Variants in GEMIN6 observed in about 807,000 individuals in gnomAD.
GEMIN6 encodes the protein gem nuclear organelle associated protein 6.
In GEMIN6, 13 loss-of-function variants were observed where a neutral mutation model predicts 14.1. The observed-to-expected ratio is 0.92, with a 90% CI of 0.60 to 1.46. GEMIN6 has a LOEUF of 1.46. GEMIN6 is among the 40% of genes most tolerant of loss of function. The pLI, the probability that GEMIN6 is intolerant of heterozygous loss-of-function variation, is 0.00. For missense variants in GEMIN6, 271 were observed against 202.4 expected, an observed-to-expected ratio of 1.34 and a Z score of -2.06; for synonymous variants, 87 against 70.0, an observed-to-expected ratio of 1.24 and a Z score of -1.21.
chr2:38,778,886 C>G, intron 1 of GEMIN6, 86 bp from the exon 2 acceptor site: 1 of 1,160,042 alleles, frequency 8.6e-7, no homozygotes, highest in East Asian at 2.5e-5. Context: ...CACAGATGTT[C>G]TCTGTCTCTA....
intron 1 of GEMIN6, 45 bp from the exon 2 acceptor site, chr2:38,778,927 T>G (rs555953018): frequency 6.6e-7 from 1 of 1,522,964 alleles, no homozygotes; most frequent in South Asian, 1.3e-5. Flanking sequence ...ATAAGACATT[T>G]GCTTACGTGG....
At chr2:38,781,253 C>T (rs1019332645) in intron 2 of GEMIN6, among the ~76,000 whole-genome samples, 3 of 152,174 alleles carry the variant, frequency 2.0e-5, no homozygotes, top group South Asian at 4.1e-4. Context: ...CAGGCGTGAG[C>T]CACCGCGCCT....
At chr2:38,779,577 A>C (rs1669027843) in intron 2 of GEMIN6, 1 of 146,174 alleles carries the variant, frequency 6.8e-6, no homozygotes, top group Admixed American at 7.4e-5. Flanking sequence ...TGTTCTGACT[A>C]TGGATTACCT....
intron 2 of GEMIN6, among the ~76,000 whole-genome samples, chr2:38,780,040 C>T (rs982093328): frequency 2.6e-4 from 39 of 149,736 alleles, no homozygotes; most frequent in African/African-American, 8.1e-4. Flanking sequence ...ACTTTAAGGC[C>T]GGGCATGGTG....
At position 38,781,011 on chromosome 2, in the gene GEMIN6, C is replaced by T. The variant is rs1486109558; in HGVS notation, c.129-506C>T. 6.0e-4 allele frequency among the ~76,000 whole-genome samples: 83 copies of T among 137,880 alleles called. 1 individual carries two copies. The highest frequency in any genetic ancestry group is 2.5e-4 in the Non-Finnish European group (16 of 65,004). 90.5% of individuals were successfully genotyped at this position (137,880 alleles called of 152,430 possible). ...TTTTTTTCCACGACAGAGTCTTGCT[C>T]AGGCTGGAGTGCAGTGGCATGATCT... On this transcript the variant is annotated intron_variant, in intron 2 of 2. Transcript: ENST00000281950.
chr2:38,779,664 ATTTTTTT>A (rs1166903482), intron 2 of GEMIN6, among the ~76,000 whole-genome samples: 7 of 20,772 alleles, frequency 3.4e-4, no homozygotes, highest in Non-Finnish European at 4.0e-4. Context: ...ATATATATAT[ATTTTTTT>A]TTTTTTTTTT....
intron 2 of GEMIN6, 130 bp from the exon 3 acceptor site, chr2:38,781,387 T>G (rs1669082254): frequency 3.1e-6 from 3 of 962,602 alleles, no homozygotes; most frequent in African/African-American, 1.6e-5. Context: ...GGATCCTTAG[T>G]GAATGTTTGT....
chr2:38,783,688 G>A lies in GEMIN6; in HGVS notation c.*1796G>A, dbSNP rs1669141425. On this transcript the variant is annotated 3_prime_UTR_variant, in exon 3 of 3. Transcript: ENST00000281950. ...TTTGAATACAGGCCCTGATAACATA[G>A]CTATTTTCCTGCATAGTTGTCTAAT... 1 of 152,076 alleles carries A rather than the reference G, an allele frequency of 6.6e-6. No homozygotes were observed. Among genetic ancestry groups the A allele is most frequent in the South Asian group, 2.1e-4 (1 of 4,830 alleles). 9.4% of individuals were successfully genotyped at this position (152,076 alleles called of 1,614,324 possible).
chr2:38,780,275 G>A (rs932057762), intron 2 of GEMIN6, among the ~76,000 whole-genome samples: 9 of 150,680 alleles, frequency 6.0e-5, no homozygotes, highest in African/African-American at 2.2e-4. Context: ...AGCTGAGATC[G>A]CGCCACTGCA....
intron 2 of GEMIN6, among the ~76,000 whole-genome samples, chr2:38,779,635 A>AATATATATATATATATATATAT (rs1413852966): frequency 4.2e-5 from 2 of 48,032 alleles, no homozygotes; most frequent in Admixed American, 3.1e-4. Context: ...AATTATTCTT[A>AATATATATATATATATATATAT]CTATATATAT....
rs1477686147 is a variant in GEMIN6, at chr2:38,781,546, G to A, written c.158G>A (p.Gly53Asp). 3 of 1,612,524 alleles carry A rather than the reference G, an allele frequency of 1.9e-6. No individual in the cohort carries two copies. The highest frequency in any genetic ancestry group is 2.7e-5 in the African/African-American group (2 of 74,866). ...GTCCTTGTGAACTTCCTTGAAGATG[G>A]CAGCATGTCTGTGACCGGAATTATG... Reference protein sequence around the residue: ...NIVLVNFLEDGSMSVTGIMGH... With the variant: ...NIVLVNFLEDDSMSVTGIMGH... The change falls in exon 3 of 3, where the codon GGC (glycine) becomes GAC (aspartate). Residue 53 changes from glycine (G) to aspartate (D), a missense_variant. Transcript: ENST00000281950.
chr2:38,778,624 A>G (rs1202239460), intron 1 of GEMIN6, among the ~76,000 whole-genome samples: 1 of 152,142 alleles, frequency 6.6e-6, no homozygotes, highest in Non-Finnish European at 1.5e-5. Context: ...CCAGAGTGAA[A>G]GCGATTTGGA....
chr2:38,779,154 C>G, intron 2 of GEMIN6, 36 bp downstream of exon 2: 1 of 1,586,120 alleles, frequency 6.3e-7, no homozygotes, highest in Non-Finnish European at 8.6e-7. Flanking sequence ...AATCTTGACA[C>G]CCCTTTGTGC....
At chr2:38,778,897 G>A in intron 1 of GEMIN6, 75 bp from the exon 2 acceptor site, 1 of 1,298,068 alleles carries the variant, frequency 7.7e-7, no homozygotes, top group South Asian at 1.5e-5. Context: ...TCTGTCTCTA[G>A]GATAGGATGG....
In GEMIN6 at chr2:38,782,019, G is replaced by C; in HGVS notation, c.*127G>C. ...TGTGTGTATAATTCTTTGTTGTTTT[G>C]GTAAAATCAGAGGAGTGGGTTATAA... On this transcript the variant is annotated 3_prime_UTR_variant, in exon 3 of 3. Coordinates refer to ENST00000281950, the MANE Select transcript of GEMIN6 (RefSeq NM_024775.10). 1.0e-6 allele frequency: 1 copy of C among 973,548 alleles called. No homozygotes were observed. Among genetic ancestry groups the C allele is most frequent in the Non-Finnish European group, 1.5e-6 (1 of 675,128 alleles). 60.3% of individuals were successfully genotyped at this position (973,548 alleles called of 1,614,324 possible).
chr2:38,780,509 C>T (rs181044028), intron 2 of GEMIN6, among the ~76,000 whole-genome samples: 52 of 151,404 alleles, frequency 3.4e-4, no homozygotes, highest in African/African-American at 1.1e-3. Context: ...GGATTACAGG[C>T]GTGTATTTTT....
Position 38,781,649 on chromosome 2 carries a change from G to GT in GEMIN6, c.262dup (p.Ser88PhefsTer24). On this transcript the variant is annotated frameshift_variant, in exon 3 of 3. Coordinates refer to ENST00000281950, the MANE Select transcript of GEMIN6 (RefSeq NM_024775.10). LOFTEE classifies it high-confidence loss of function. ...GGGAGAAGCTGATGCATTTGTTCAC[G>GT]TCTGGAGACTGCAAAGCATACAGCC... The GT allele has an allele frequency of 6.2e-7, 1 of 1,614,192 alleles. No individual in the cohort carries two copies. Among genetic ancestry groups the GT allele is most frequent in the Non-Finnish European group, 8.5e-7 (1 of 1,180,042 alleles).
At chr2:38,778,951 C>T (rs758757405) in intron 1 of GEMIN6, 21 bp from the exon 2 acceptor site, 2 of 1,588,828 alleles carry the variant, frequency 1.3e-6, no homozygotes, top group Admixed American at 1.8e-5. Flanking sequence ...ATATATTAAC[C>T]AGCACTGGTG....
intron 2 of GEMIN6, 36 bp from the exon 3 acceptor site, chr2:38,781,481 G>C (rs1669084083): frequency 6.4e-7 from 1 of 1,560,750 alleles, no homozygotes; most frequent in Non-Finnish European, 8.7e-7. Context: ...ACCTACTTGG[G>C]TTGATGATGC....
Sources: allele counts gnomAD v4.1 joint callset (sites outside exome capture counted in the v4.1 genomes callset), GRCh38; gene constraint gnomAD v4.1.1; transcripts MANE v1.5; gene names NCBI Gene and HGNC (gene_info 2026-07-23, HGNC 2026-07-21).